Variants in ZNF514 observed in about 807,000 individuals in gnomAD.
ZNF514 encodes the protein zinc finger protein 514.
ZNF514 carries 12 observed loss-of-function variants against 9.7 expected under a neutral mutation model. The ratio of observed to expected loss-of-function variants is 1.24; its 90% CI spans 0.79 to 2.01. The LOEUF (loss-of-function observed/expected upper bound fraction) is 2.01, where lower values mean the gene tolerates loss of function less well. Ranked by LOEUF, ZNF514 falls within the 30% of genes most tolerant of loss-of-function variation. ZNF514 has a pLI of 0.00. For missense variants in ZNF514, 467 were observed against 465.5 expected, an observed-to-expected ratio of 1.00 and a Z score of -0.03; for synonymous variants, 158 against 163.7, an observed-to-expected ratio of 0.97 and a Z score of 0.27.
chr2:95,142,453 T>C (rs1007964843), downstream of ZNF514, among the ~76,000 whole-genome samples: 10 of 152,352 alleles, frequency 6.6e-5, no homozygotes, highest in Middle Eastern at 6.8e-3. Context: ...ACTTATCACC[T>C]GGAAGAGACA....
the ZNF514 span, among the ~76,000 whole-genome samples, chr2:95,138,781 T>C: frequency 6.6e-6 from 1 of 152,324 alleles, no homozygotes; most frequent in Admixed American, 6.5e-5. Flanking sequence ...CTAGAGATAT[T>C]TGCATAACTA....
Position 95,157,434 on chromosome 2 carries a change from G to A in ZNF514, c.-90C>T, listed in dbSNP as rs1673718203. 7.8e-7 allele frequency: 1 copy of A among 1,289,430 alleles called. No individual in the cohort carries two copies. The highest frequency in any genetic ancestry group is 1.0e-6 in the Non-Finnish European group (1 of 988,586). 79.9% of individuals were successfully genotyped at this position (1,289,430 alleles called of 1,614,324 possible). ...GGAGGAAGAGCAGGATTCTGAGAAG[G>A]GGAAGCTGGGAAGGTAGAAGGAGAC... On this transcript the variant is annotated 5_prime_UTR_variant, in exon 2 of 5. Transcript: ENST00000295208.
chr2:95,134,224 C>A, the ZNF514 span, among the ~76,000 whole-genome samples: 2 of 152,114 alleles, frequency 1.3e-5, no homozygotes, highest in African/African-American at 4.8e-5. Flanking sequence ...GATGTCCAAG[C>A]CACATCTCAT....
chr2:95,158,642 C>G (rs1673752403), intron 1 of ZNF514, among the ~76,000 whole-genome samples: 1 of 152,226 alleles, frequency 6.6e-6, no homozygotes, highest in African/African-American at 2.4e-5. Context: ...GGGCCACTCC[C>G]TCTTGGGTTT....
Position 95,147,096 on chromosome 2 carries a change from A to C in ZNF514, c.*2186T>G, listed in dbSNP as rs1455676895. On this transcript the variant is annotated 3_prime_UTR_variant, in exon 5 of 5. Transcript: ENST00000295208. The stretch of plus-strand genomic sequence containing the variant: ...TTTTCCTCAGTATAAGCTAATCCTT[A>C]TTAGGCAAGTATCCTTTGGTCTACG... Among the ~76,000 whole-genome samples, 1 of 152,174 alleles carries C rather than the reference A, an allele frequency of 6.6e-6. No individual in the cohort carries two copies. The highest frequency in any genetic ancestry group is 1.5e-5 in the Non-Finnish European group (1 of 68,026).
the ZNF514 span, among the ~76,000 whole-genome samples, chr2:95,132,867 C>CAAAAAA: frequency 1.5e-5 from 1 of 66,696 alleles, no homozygotes; most frequent in Non-Finnish European, 2.7e-5. Context: ...GACTCCATCT[C>CAAAAAA]AAAAAAAAAA....
rs369608896 is a variant in ZNF514 at position 95,152,784 on chromosome 2, G to A, written c.122-15C>T. 34 of 1,612,506 alleles carry A rather than the reference G, an allele frequency of 2.1e-5. No homozygotes were observed. The highest frequency in any genetic ancestry group is 2.9e-5 in the Non-Finnish European group (34 of 1,178,730). On this transcript the variant is annotated splice_polypyrimidine_tract_variant and intron_variant, in intron 3 of 4. Coordinates refer to ENST00000295208, the MANE Select transcript of ZNF514 (RefSeq NM_032788.3). ...TACTAGAAGGCCTGATGGTAGAGAA[G>A]GAAAAGGATTTTGGTTGTGTGTGCC...
In ZNF514 at chr2:95,159,528, G is replaced by C. The variant is rs1673790045; in HGVS notation, c.-384C>G. 1 of 152,772 alleles carries C rather than the reference G, an allele frequency of 6.5e-6. No individual in the cohort carries two copies. The highest frequency in any genetic ancestry group is 1.9e-4 in the East Asian group (1 of 5,140). The allele number at this position is 152,772 out of a possible 1,614,324, so 9.5% of individuals were successfully genotyped here. On this transcript the variant is annotated 5_prime_UTR_variant, in exon 1 of 5. Transcript: ENST00000295208. The stretch of plus-strand genomic sequence containing the variant: ...ACACACCCAGCTCTGTAAGGGGCCG[G>C]GGCGCGGGCCCAGTACAGGTCTGCG...
rs748123710 is a variant in ZNF514, at chr2:95,149,477, T to A, written c.1008A>T (p.Arg336Ser). Reference sequence around the variant, plus strand: ...TGTAAGGTTTCTCTCCAGTATGAAATCTGTAATGCACAATGAGTGATGAGC... The same window carrying A: ...TGTAAGGTTTCTCTCCAGTATGAAAACTGTAATGCACAATGAGTGATGAGC... The part of the protein sequence containing the change: ...SQSSSLIVHY[R>S]FHTGEKPYKC... The change falls in exon 5 of 5, where the codon AGA (arginine) becomes AGT (serine). Residue 336 changes from arginine to serine, a missense_variant. Arg to Ser is a moderately radical substitution (Grantham distance 110). Transcript: ENST00000295208. 6.2e-7 allele frequency: 1 copy of A among 1,614,008 alleles called. No homozygotes were observed. The highest frequency in any genetic ancestry group is 1.7e-5 in the Admixed American group (1 of 59,994).
At chr2:95,151,087 G>A (rs1241602406) in intron 4 of ZNF514, among the ~76,000 whole-genome samples, 1 of 152,132 alleles carries the variant, frequency 6.6e-6, no homozygotes, top group Non-Finnish European at 1.5e-5. Context: ...ATGATAGGAA[G>A]AGAAACTCTC....
chr2:95,159,063 G>C, intron 1 of ZNF514, 177 bp downstream of exon 1: 2 of 1,190,740 alleles, frequency 1.7e-6, no homozygotes, highest in Non-Finnish European at 2.1e-6. Flanking sequence ...CCTCCCGAGG[G>C]TTCAGGGAGC....
At chr2:95,131,832 A>G in the ZNF514 span, among the ~76,000 whole-genome samples, 2 of 152,130 alleles carry the variant, frequency 1.3e-5, no homozygotes, top group African/African-American at 2.4e-5. Context: ...CATTTATTCA[A>G]TGAAAGACTC....
At chr2:95,159,097 G>C (rs1364433903) in intron 1 of ZNF514, 143 bp downstream of exon 1, 9 of 1,085,080 alleles carry the variant, frequency 8.3e-6, no homozygotes, top group Non-Finnish European at 1.1e-5. Flanking sequence ...GGGCTGCCTG[G>C]GGGACACGGG....
chr2:95,144,666 C>T (rs1673318333), downstream of ZNF514, among the ~76,000 whole-genome samples: 1 of 152,160 alleles, frequency 6.6e-6, no homozygotes, highest in Non-Finnish European at 1.5e-5. Flanking sequence ...ATAGTACTCT[C>T]CTGAGTTCTG....
intron 1 of ZNF514, chr2:95,158,758 C>T: frequency 8.6e-7 from 1 of 1,169,220 alleles, no homozygotes; most frequent in Non-Finnish European, 1.1e-6. Context: ...CCGCCACGGT[C>T]ATCTAGAGAC....
chr2:95,134,050 CA>C, the ZNF514 span, among the ~76,000 whole-genome samples: 1 of 152,062 alleles, frequency 6.6e-6, no homozygotes, highest in African/African-American at 2.4e-5. Context: ...TATATGAACT[CA>C]AAAAAGTTCA....
the ZNF514 span, among the ~76,000 whole-genome samples, chr2:95,127,898 C>T: frequency 1.2e-4 from 19 of 152,200 alleles, no homozygotes; most frequent in East Asian, 3.1e-3. Context: ...CGTGAGACAC[C>T]GCACCCGGCC....
Position 95,148,468 on chromosome 2 carries a change from G to A in ZNF514, c.*814C>T, listed in dbSNP as rs1673425194. 1 of 152,190 alleles carries A rather than the reference G, an allele frequency of 6.6e-6. No homozygotes were observed. Among genetic ancestry groups the A allele is most frequent in the African/African-American group, 2.4e-5 (1 of 41,440 alleles). The allele number at this position is 152,190 out of a possible 1,614,324, so 9.4% of individuals were successfully genotyped here. ...AAGGAACTTTCCTCACATTCATCAT[G>A]TTCCCAAGGTTTCTCTTTGAGATGA... On this transcript the variant is annotated 3_prime_UTR_variant, in exon 5 of 5. Coordinates refer to ENST00000295208, the MANE Select transcript of ZNF514 (RefSeq NM_032788.3).
At chr2:95,124,914 C>T in the ZNF514 span, among the ~76,000 whole-genome samples, 1 of 152,156 alleles carries the variant, frequency 6.6e-6, no homozygotes, top group South Asian at 2.1e-4. Flanking sequence ...CAGAGTCTCA[C>T]TCTGTCGCCC....
Sources: gnomAD v4.1 joint callset for allele counts (sites outside exome capture counted in the v4.1 genomes callset) on GRCh38, gnomAD v4.1.1 for gene constraint, MANE v1.5 for transcripts, NCBI Gene and HGNC (gene_info 2026-07-23, HGNC 2026-07-21) for gene names.